STK32C: variants seen among roughly 807,000 people sequenced by gnomAD.
STK32C encodes the protein serine/threonine kinase 32C.
In STK32C, 31 loss-of-function variants were observed where a neutral mutation model predicts 56.5. The ratio of observed to expected loss-of-function variants is 0.55; its 90% CI spans 0.41 to 0.74. The LOEUF is 0.74. Ranked by LOEUF, STK32C falls within the 30% of genes least tolerant of loss-of-function variation. STK32C has a pLI of 0.00. For synonymous variants in STK32C, 309 were observed against 289.4 expected (o/e 1.07, Z -0.69); for missense variants, 544 against 676.9 (o/e 0.80, Z 2.18).
Position 132,307,757 on chromosome 10 carries a change from G to C in STK32C, c.77C>G (p.Pro26Arg), listed in dbSNP as rs1355392709. The C allele has an allele frequency of 9.9e-7, 1 of 1,010,344 alleles. No homozygotes were observed. The highest frequency in any genetic ancestry group is 1.7e-5 in the African/African-American group (1 of 57,218). 62.6% of individuals were successfully genotyped at this position (1,010,344 alleles called of 1,614,324 possible). Residue 26 changes from proline (P) to arginine (R), a missense_variant, in exon 1 of 12, where the codon CCC (proline) becomes CGC (arginine). Physicochemically the swap from Pro to Arg is moderately radical, Grantham distance 103. Coordinates refer to ENST00000298630, the MANE Select transcript of STK32C (RefSeq NM_173575.4). The surrounding 1 kb of genome is among the most constrained non-coding windows in gnomAD (Gnocchi z 4.4). ...PGSPPPGRAR[P>R]AGSDAPSALP... ...GGCCGAGGGCGCGTCGGAGCCGGCG[G>C]GGCGCGCGCGGCCGGGGGGCGGCGA...
intron 1 of STK32C, among the ~76,000 whole-genome samples, chr10:132,285,743 C>T (rs765076342): frequency 5.1e-4 from 77 of 152,222 alleles, no homozygotes; most frequent in Admixed American, 2.3e-3. Flanking sequence ...CGATAGATTG[C>T]ATCATTCCCC....
Position 132,255,405 on chromosome 10 carries a change from A to G in STK32C, c.263-9450T>C, listed in dbSNP as rs1208033065. Among the ~76,000 whole-genome samples the G allele has an allele frequency of 6.6e-6, 1 of 152,184 alleles. No homozygotes were observed. Among genetic ancestry groups the G allele is most frequent in the African/African-American group, 2.4e-5 (1 of 41,456 alleles). On this transcript the variant is annotated intron_variant, in intron 1 of 11. Coordinates refer to ENST00000298630, the MANE Select transcript of STK32C (RefSeq NM_173575.4). The surrounding 1 kb of genome is among the most constrained non-coding windows in gnomAD (Gnocchi z 4.6). ...ACAGGAACCACAGGAGTCACCAGAC[A>G]TCACCTCACAGACCCCTCACCCTCT...
At chr10:132,262,650 C>G (rs529982665) in intron 1 of STK32C, among the ~76,000 whole-genome samples, 1 of 151,566 alleles carries the variant, frequency 6.6e-6, no homozygotes, top group South Asian at 2.1e-4. Context: ...CAGTGGCTCA[C>G]GCCTGTAATC....
rs947288804 is a variant in STK32C at position 132,227,080 on chromosome 10, C to T, written c.471-112G>A. The T allele has an allele frequency of 7.9e-6, 10 of 1,264,090 alleles. No homozygotes were observed. The African/African-American group carries it at 1.0e-4, about 13-fold the overall frequency. The allele number at this position is 1,264,090 out of a possible 1,614,324, so 78.3% of individuals were successfully genotyped here. A position where few individuals can be genotyped will look rare whatever the true frequency, so the allele number is the denominator to read the frequency against. On this transcript the variant is annotated intron_variant, in intron 3 of 11. Transcript: ENST00000298630. ...ACCACAGCCCCACCCCAGCATCAGC[C>T]ACCAGGCATTCCCAGGAGGAGGGGC... is the stretch of plus-strand genomic sequence containing the variant.
chr10:132,326,381 G>T (rs548207134), intron 1 of STK32C, among the ~76,000 whole-genome samples: 2 of 152,206 alleles, frequency 1.3e-5, no homozygotes, highest in African/African-American at 2.4e-5. Flanking sequence ...CACCAGGCTG[G>T]AGTGCAGTGG....
chr10:132,256,649 C>G (rs1014966246), intron 1 of STK32C, among the ~76,000 whole-genome samples: 1 of 152,178 alleles, frequency 6.6e-6, no homozygotes, highest in African/African-American at 2.4e-5. Flanking sequence ...CACCTCCCCC[C>G]AGGCTGCCTA....
At position 132,255,309 on chromosome 10, in the gene STK32C, G is replaced by A. The variant is rs188409009; in HGVS notation, c.263-9354C>T. 2.6e-3 allele frequency among the ~76,000 whole-genome samples: 395 copies of A among 152,198 alleles called. 2 individuals are homozygous for A. The highest frequency in any genetic ancestry group is 8.9e-3 in the African/African-American group (371 of 41,534). On this transcript the variant is annotated intron_variant, in intron 1 of 11. Transcript: ENST00000298630. This position sits in a 1 kb window ranked among gnomAD's most constrained non-coding sequence, Gnocchi z 4.6. ...CGGGCCAGGTGGAAGAGTTGGAACC[G>A]GCCCGATAGCTCCTCCTGGCAATGG... is the stretch of plus-strand genomic sequence containing the variant.
chr10:132,302,592 C>A (rs1250586954), intron 1 of STK32C, among the ~76,000 whole-genome samples: 1 of 152,230 alleles, frequency 6.6e-6, no homozygotes, highest in Non-Finnish European at 1.5e-5. Flanking sequence ...AGGCTTCTGA[C>A]CACCAAGCGC....
intron 1 of STK32C, among the ~76,000 whole-genome samples, chr10:132,300,688 G>A (rs537068623): frequency 5.3e-5 from 8 of 152,294 alleles, no homozygotes; most frequent in East Asian, 1.9e-4. Flanking sequence ...AGGGGCCTGC[G>A]TCTCTGCCCA....
At chr10:132,232,024 C>T (rs976644120) in intron 2 of STK32C, among the ~76,000 whole-genome samples, 1 of 152,250 alleles carries the variant, frequency 6.6e-6, no homozygotes, top group African/African-American at 2.4e-5. Context: ...TTCTCCACGC[C>T]TCCTGTGTCT....
At chr10:132,227,782 A>T (rs1485948407) in intron 3 of STK32C, among the ~76,000 whole-genome samples, 195 bp downstream of exon 3, 1 of 152,160 alleles carries the variant, frequency 6.6e-6, no homozygotes, top group Non-Finnish European at 1.5e-5. Flanking sequence ...CCAGCATGTC[A>T]TGGCCACCTG....
At chr10:132,268,173 G>C (rs1393341919) in intron 1 of STK32C, among the ~76,000 whole-genome samples, 1 of 147,646 alleles carries the variant, frequency 6.8e-6, no homozygotes, top group African/African-American at 2.5e-5. Flanking sequence ...GTGTGTGCAT[G>C]CATGTGTATG....
chr10:132,227,610 G>A lies in STK32C; in HGVS notation c.470+367C>T, dbSNP rs78962549. On this transcript the variant is annotated intron_variant, in intron 3 of 11. Coordinates refer to ENST00000298630, the MANE Select transcript of STK32C (RefSeq NM_173575.4). ...CAGTGGTGATGGTGGTGGTGATGGC[G>A]ATGATGGTGGTGATGGTGATGGTGA... is the stretch of plus-strand genomic sequence containing the variant. Among the ~76,000 whole-genome samples, 28 of 143,070 alleles carry A rather than the reference G, an allele frequency of 2.0e-4. No individual in the cohort carries two copies. The East Asian group carries it at 5.2e-3, about 26-fold the overall frequency. 93.9% of individuals were successfully genotyped at this position (143,070 alleles called of 152,430 possible). A position where few individuals can be genotyped will look rare whatever the true frequency, so the allele number is the denominator to read the frequency against.
At chr10:132,301,396 G>T (rs2065907077) in intron 1 of STK32C, among the ~76,000 whole-genome samples, 1 of 152,246 alleles carries the variant, frequency 6.6e-6, no homozygotes, top group Non-Finnish European at 1.5e-5. Flanking sequence ...GAGGAAGTCT[G>T]GGAAGCTGCT....
intron 1 of STK32C, among the ~76,000 whole-genome samples, chr10:132,250,332 G>A (rs1302670326): frequency 7.0e-6 from 1 of 143,390 alleles, no homozygotes; most frequent in African/African-American, 2.6e-5. Flanking sequence ...AGGTGTGTGT[G>A]AGGCGCACGG....
upstream of STK32C, among the ~76,000 whole-genome samples, chr10:132,308,391 GA>G (rs2066150920): frequency 1.3e-5 from 2 of 152,196 alleles, no homozygotes; most frequent in African/African-American, 4.8e-5. Flanking sequence ...CCTTCTTCGT[GA>G]AAACAGCCGG....
chr10:132,238,903 G>A (rs2137850805), intron 2 of STK32C, among the ~76,000 whole-genome samples: 1 of 152,314 alleles, frequency 6.6e-6, no homozygotes, highest in East Asian at 1.9e-4. Flanking sequence ...AGAGGAGCGG[G>A]CACGCTGGGT....
chr10:132,236,146 C>A (rs537416927), intron 2 of STK32C, among the ~76,000 whole-genome samples: 3 of 150,434 alleles, frequency 2.0e-5, no homozygotes, highest in Admixed American at 6.6e-5. Flanking sequence ...CTTCCGTGGC[C>A]CCAAAGCCCA....
In STK32C at chr10:132,330,048, A is replaced by T. The variant is rs368067757; in HGVS notation, c.301+1388T>A. Among the ~76,000 whole-genome samples the T allele has an allele frequency of 3.3e-5, 5 of 152,366 alleles. No individual in the cohort carries two copies. The East Asian group carries it at 5.8e-4, about 18-fold the overall frequency. ...ACAAGGAACGCGGCACCAGCTCCAC[A>T]GCCACTCAATAATCAGATCAACACG... On this transcript the variant is annotated intron_variant, in intron 1 of 1. Coordinates refer to the STK32C transcript ENST00000368619.
Sources: allele counts gnomAD v4.1 joint callset (sites outside exome capture counted in the v4.1 genomes callset), GRCh38; gene constraint gnomAD v4.1.1; non-coding constraint Gnocchi (gnomAD v3.1); transcripts MANE v1.5; gene names NCBI Gene and HGNC (gene_info 2026-07-23, HGNC 2026-07-21).